The following STK32B variants were observed in gnomAD, a reference collection of about 807,000 sequenced individuals.
The protein encoded by STK32B is serine/threonine-protein kinase 32B.
Under a neutral mutation model 52.6 loss-of-function variants are expected in STK32B, and 43 were observed. That is an observed-to-expected ratio of 0.82 (90% CI 0.64 to 1.05). STK32B has a LOEUF of 1.05. Among genes scored for constraint, STK32B ranks in the 50% least tolerant of loss-of-function variants. STK32B has a pLI of 0.00. For missense variants in STK32B, 621 were observed against 534.6 expected (o/e 1.16, Z -1.59); for synonymous variants, 238 against 204.3 (o/e 1.17, Z -1.41).
chr4:5,456,779 G>C (rs755848827), intron 7 of STK32B, 28 bp from the exon 8 acceptor site: 6 of 1,538,288 alleles, frequency 3.9e-6, no homozygotes, highest in South Asian at 3.8e-5. Context: ...CTCTCTCTCT[G>C]ATTCTGGCTG....
At chr4:5,038,192 A>G in the STK32B span, among the ~76,000 whole-genome samples, 1 of 152,164 alleles carries the variant, frequency 6.6e-6, no homozygotes, top group African/African-American at 2.4e-5. Context: ...AAAACCATTC[A>G]GCTGTTCATT....
chr4:5,150,477 A>G (rs1187475746), intron 2 of STK32B, among the ~76,000 whole-genome samples: 1 of 152,084 alleles, frequency 6.6e-6, no homozygotes, highest in Non-Finnish European at 1.5e-5. Context: ...TTTGAATTCT[A>G]CTGTGTTTTT....
intron 2 of STK32B, among the ~76,000 whole-genome samples, chr4:5,160,763 G>T (rs1718377797): frequency 6.6e-6 from 1 of 152,230 alleles, no homozygotes; most frequent in South Asian, 2.1e-4. Context: ...CTCAGTAGGG[G>T]GAGTGGACAA....
At chr4:5,288,569 AT>A (rs1257748391) in intron 3 of STK32B, among the ~76,000 whole-genome samples, 2 of 152,066 alleles carry the variant, frequency 1.3e-5, no homozygotes, top group Non-Finnish European at 1.5e-5. Flanking sequence ...TTGTTTGCCT[AT>A]TTTTTAAATT....
chr4:5,259,198 A>G (rs777164296), intron 3 of STK32B, among the ~76,000 whole-genome samples: 14 of 152,130 alleles, frequency 9.2e-5, no homozygotes, highest in Non-Finnish European at 1.3e-4. Flanking sequence ...TCAACATTAT[A>G]TATTTATATT....
intron 3 of STK32B, among the ~76,000 whole-genome samples, chr4:5,286,513 A>C (rs1560286870): frequency 6.6e-6 from 1 of 152,090 alleles, no homozygotes; most frequent in Non-Finnish European, 1.5e-5. Flanking sequence ...TAATGTTAAA[A>C]CTTAGTTGTG....
At chr4:5,233,691 C>A (rs1724429253) in intron 3 of STK32B, among the ~76,000 whole-genome samples, 1 of 150,710 alleles carries the variant, frequency 6.6e-6, no homozygotes, top group Non-Finnish European at 1.5e-5. Flanking sequence ...AGCCAGAGGC[C>A]AGAGAGGTGG....
chr4:5,073,874 G>GT (rs1486361970), intron 1 of STK32B, among the ~76,000 whole-genome samples: 1 of 151,674 alleles, frequency 6.6e-6, no homozygotes, highest in Non-Finnish European at 1.5e-5. Context: ...TAGGTAGTGT[G>GT]TTTTTTTATT....
intron 11 of STK32B, among the ~76,000 whole-genome samples, chr4:5,493,432 T>C (rs2108729337): frequency 6.6e-6 from 1 of 152,322 alleles, no homozygotes; most frequent in East Asian, 1.9e-4. Context: ...GATATCCTTT[T>C]ATCATTTTTT....
intron 1 of STK32B, among the ~76,000 whole-genome samples, chr4:5,078,334 T>TTAGAA (rs1712206982): frequency 6.6e-6 from 1 of 151,906 alleles, no homozygotes; most frequent in Admixed American, 6.6e-5. Flanking sequence ...CAGGAAGAAA[T>TTAGAA]TAGAATGGCT....
At chr4:5,255,751 T>G (rs1363832661) in intron 3 of STK32B, among the ~76,000 whole-genome samples, 1 of 152,228 alleles carries the variant, frequency 6.6e-6, no homozygotes, top group Non-Finnish European at 1.5e-5. Context: ...GATATACTAT[T>G]GTATATAAGT....
intron 11 of STK32B, among the ~76,000 whole-genome samples, chr4:5,497,305 C>A (rs1720354357): frequency 6.6e-6 from 1 of 152,144 alleles, no homozygotes; most frequent in African/African-American, 2.4e-5. Context: ...GTGCTGAATG[C>A]AAAAAGTCCA....
At chr4:5,158,939 C>T (rs574928732) in intron 2 of STK32B, among the ~76,000 whole-genome samples, 1 of 152,308 alleles carries the variant, frequency 6.6e-6, no homozygotes, top group East Asian at 1.9e-4. Flanking sequence ...GGGGGACATA[C>T]AGCTTAGCCC....
Position 5,267,917 on chromosome 4 carries a change from T to C in STK32B, c.261-63303T>C, listed in dbSNP as rs184608611. On this transcript the variant is annotated intron_variant, in intron 3 of 11. Coordinates refer to ENST00000282908, the MANE Select transcript of STK32B (RefSeq NM_018401.3). ...AGCTCTGCTGCCTCTCTTTGGGGGATAGAGAGTAGGGAGGATGGTTACCGA... is the reference window on the plus strand; with the variant it reads ...AGCTCTGCTGCCTCTCTTTGGGGGACAGAGAGTAGGGAGGATGGTTACCGA... Among the ~76,000 whole-genome samples the C allele has an allele frequency of 3.7e-3, 558 of 152,248 alleles. 4 individuals are homozygous for C. The highest frequency in any genetic ancestry group is 0.013 in the African/African-American group (529 of 41,544).
At chr4:5,078,488 G>A (rs938638118) in intron 1 of STK32B, among the ~76,000 whole-genome samples, 4 of 152,206 alleles carry the variant, frequency 2.6e-5, no homozygotes, top group Non-Finnish European at 4.4e-5. Flanking sequence ...GTTAATATGT[G>A]CAAGGTGGGT....
chr4:5,347,255 A>C (rs1302800081), intron 4 of STK32B, among the ~76,000 whole-genome samples: 2 of 152,236 alleles, frequency 1.3e-5, no homozygotes, highest in African/African-American at 4.8e-5. Flanking sequence ...AGATTTGGCT[A>C]AAGACAGCTG....
intron 6 of STK32B, chr4:5,436,740 C>G (rs1156481173): frequency 7.4e-6 from 7 of 942,366 alleles, no homozygotes; most frequent in East Asian, 2.3e-4. Flanking sequence ...TTCCCTGAAC[C>G]TAGGAGTCAG....
At chr4:5,390,909 C>T (rs1215241070) in intron 4 of STK32B, among the ~76,000 whole-genome samples, 4 of 151,690 alleles carry the variant, frequency 2.6e-5, no homozygotes, top group Non-Finnish European at 5.9e-5. Flanking sequence ...TCACTCCACA[C>T]GCTACCTCTG....
At chr4:5,277,315 A>G (rs941288054) in intron 3 of STK32B, among the ~76,000 whole-genome samples, 1 of 152,290 alleles carries the variant, frequency 6.6e-6, no homozygotes, top group Non-Finnish European at 1.5e-5. Flanking sequence ...GCAAAGGACA[A>G]TGGAGAAGCT....
Sources: allele counts gnomAD v4.1 joint callset (sites outside exome capture counted in the v4.1 genomes callset), GRCh38; gene constraint gnomAD v4.1.1; transcripts MANE v1.5; gene names NCBI Gene and HGNC (gene_info 2026-07-23, HGNC 2026-07-21).